Variants in ZNF236 observed in about 807,000 individuals in gnomAD.
ZNF236 encodes the protein regulated by glucose.
Under a neutral mutation model 191.2 loss-of-function variants are expected in ZNF236, and 50 were observed. The ratio of observed to expected loss-of-function variants is 0.26; its 90% CI spans 0.21 to 0.33. The LOEUF (loss-of-function observed/expected upper bound fraction) is 0.33. ZNF236 is among the 10% of genes least tolerant of loss of function. The probability of loss-of-function intolerance (pLI) is 1.00; values close to 1 mark genes in which losing one functional copy is unlikely to be tolerated. For missense variants in ZNF236, 1,754 were observed against 2,374.5 expected, an observed-to-expected ratio of 0.74 and a Z score of 5.43; for synonymous variants, 907 against 928.8, an observed-to-expected ratio of 0.98 and a Z score of 0.43.
At chr18:76,894,271 A>G (rs561132261) in intron 9 of ZNF236, among the ~76,000 whole-genome samples, 136 of 152,332 alleles carry the variant, frequency 8.9e-4, no homozygotes, top group African/African-American at 3.0e-3. Flanking sequence ...GTCCTGCTCC[A>G]TCCTGAGAGG....
chr18:76,843,504 A>ACAGTG (rs2122471161), intron 1 of ZNF236, among the ~76,000 whole-genome samples: 1 of 149,534 alleles, frequency 6.7e-6, no homozygotes, highest in South Asian at 2.1e-4. Context: ...GAGGCCGGGC[A>ACAGTG]CAGTGGCTCA....
rs576096078 is a variant in ZNF236 at position 76,941,568 on chromosome 18, C to T, written c.4782+4225C>T. Among the ~76,000 whole-genome samples the T allele has an allele frequency of 4.5e-3, 690 of 152,290 alleles. 4 individuals are homozygous for T. The highest frequency in any genetic ancestry group is 7.7e-3 in the Non-Finnish European group (526 of 68,032). On this transcript the variant is annotated intron_variant, in intron 26 of 30. Coordinates refer to ENST00000320610, the MANE Select transcript of ZNF236 (RefSeq NM_001306089.2). Reference sequence around the variant, plus strand: ...CTGCAGCCACACACCCTGCCATTAGCGCTTCCCTGCTGCCCCCCTCAGCCC... The same window carrying T: ...CTGCAGCCACACACCCTGCCATTAGTGCTTCCCTGCTGCCCCCCTCAGCCC...
chr18:76,898,519 GT>G (rs1977500308), intron 10 of ZNF236, among the ~76,000 whole-genome samples: 1 of 152,236 alleles, frequency 6.6e-6, no homozygotes, highest in Non-Finnish European at 1.5e-5. Context: ...GGGCACAGTA[GT>G]AAGAGGATCA....
chr18:76,906,833 A>C (rs974401848), intron 13 of ZNF236, among the ~76,000 whole-genome samples: 1 of 152,250 alleles, frequency 6.6e-6, no homozygotes, highest in Non-Finnish European at 1.5e-5. Context: ...GATTGTGTGC[A>C]CTTGGAATCT....
At chr18:76,850,090 A>G (rs911968868) in intron 2 of ZNF236, among the ~76,000 whole-genome samples, 5 of 152,212 alleles carry the variant, frequency 3.3e-5, no homozygotes, top group African/African-American at 1.2e-4. Flanking sequence ...GGGAGCAAAT[A>G]TTACATACTA....
At chr18:76,828,203 C>G (rs112966402) in intron 1 of ZNF236, among the ~76,000 whole-genome samples, 9,200 of 150,350 alleles carry the variant, frequency 0.061, 513 homozygotes, top group African/African-American at 0.15. Context: ...GTCTCGTTCT[C>G]TCACCCAGGC....
rs1017037640 is a variant in ZNF236, at chr18:76,968,394, G to A, written c.*55G>A. On this transcript the variant is annotated 3_prime_UTR_variant, in exon 31 of 31. Coordinates refer to ENST00000320610, the MANE Select transcript of ZNF236 (RefSeq NM_001306089.2). Reference sequence around the variant, plus strand: ...TTTCTGAAGTTACGTTTTGTGAAGAGCAAAGCACTTGGAATCTCCGTTTTA... The same window carrying A: ...TTTCTGAAGTTACGTTTTGTGAAGAACAAAGCACTTGGAATCTCCGTTTTA... 3.2e-6 allele frequency: 5 copies of A among 1,565,616 alleles called. No homozygotes were observed. The South Asian group carries it at 3.6e-5, about 11-fold the overall frequency.
At chr18:76,966,268 T>C (rs1306060527) in intron 30 of ZNF236, among the ~76,000 whole-genome samples, 1 of 152,170 alleles carries the variant, frequency 6.6e-6, no homozygotes, top group Non-Finnish European at 1.5e-5. Flanking sequence ...TCTGGAAGCC[T>C]GTGCTTTTGT....
chr18:76,877,984 A>AT (rs746230485), intron 6 of ZNF236, 25 bp from the exon 7 acceptor site: 13 of 1,518,946 alleles, frequency 8.6e-6, no homozygotes, highest in Admixed American at 4.0e-5. Flanking sequence ...GTAAAACATC[A>AT]TTTTTTTCCT....
chr18:76,878,167 T>C lies in ZNF236; in HGVS notation c.984+15T>C. On this transcript the variant is annotated intron_variant, in intron 7 of 30. Transcript: ENST00000320610. ...ATGTTTTAACGGTAAGTTTAGTAAT[T>C]TGGAAGAACTTCTTTTTAAACTAAA... is the stretch of plus-strand genomic sequence containing the variant. 6.3e-7 allele frequency: 1 copy of C among 1,583,786 alleles called. No homozygotes were observed. The highest frequency in any genetic ancestry group is 8.6e-7 in the Non-Finnish European group (1 of 1,162,376).
chr18:76,881,400 A>C lies in ZNF236; in HGVS notation c.1305A>C (p.Ser435=), dbSNP rs1976891300. Residue 435 remains serine, a synonymous_variant, in exon 9 of 31, where the codon TCA becomes TCC. Transcript: ENST00000320610. ...HAQNPDVSSV[S]NEQTDPTDAE... is the part of the protein sequence containing the mutation. ...AAAACCCAGATGTTTCCAGCGTTTC[A>C]AATGAGCAGACGGACCCCACAGACG... 6.2e-7 allele frequency: 1 copy of C among 1,614,174 alleles called. No homozygotes were observed. The highest frequency in any genetic ancestry group is 1.3e-5 in the African/African-American group (1 of 75,050).
intron 27 of ZNF236, 135 bp from the exon 28 acceptor site, chr18:76,955,850 A>G: frequency 1.0e-6 from 1 of 961,494 alleles, no homozygotes; most frequent in Non-Finnish European, 1.6e-6. Flanking sequence ...AATTATCCTG[A>G]TGATAGGACA....
At position 76,960,731 on chromosome 18, in the gene ZNF236, T is replaced by C. The variant is rs574803498; in HGVS notation, c.5295T>C (p.Ser1765=). The change falls in exon 30 of 31, where the codon AGT becomes AGC. Residue 1765 remains serine (S), a synonymous_variant. Coordinates refer to ENST00000320610, the MANE Select transcript of ZNF236 (RefSeq NM_001306089.2). The surrounding 1 kb of genome is among the most constrained non-coding windows in gnomAD (Gnocchi z 4.4). The part of the protein sequence containing the change: ...TLCEKAFNQK[S]ALQVHMKKHT... ...GTGAGAAAGCCTTCAACCAGAAGAG[T>C]GCGCTGCAGGTGCACATGAAGAAGC... 2 of 1,613,810 alleles carry C rather than the reference T, an allele frequency of 1.2e-6. No individual in the cohort carries two copies. Among genetic ancestry groups the C allele is most frequent in the East Asian group, 4.5e-5 (2 of 44,864 alleles).
At chr18:76,897,114 C>T (rs939213821) in intron 10 of ZNF236, among the ~76,000 whole-genome samples, 1 of 151,526 alleles carries the variant, frequency 6.6e-6, no homozygotes, top group Admixed American at 6.6e-5. Context: ...CAGTACTACA[C>T]ACAGTACTGC....
rs11875409 is a variant in ZNF236 at position 76,971,433 on chromosome 18, T to G, written c.*3094T>G. Among the ~76,000 whole-genome samples the G allele has an allele frequency of 0.48, 73,593 of 152,032 alleles. 18,308 individuals are homozygous for G. Among genetic ancestry groups the G allele is most frequent in the Middle Eastern group, 0.64 (185 of 290 alleles). On this transcript the variant is annotated 3_prime_UTR_variant, in exon 31 of 31. Coordinates refer to ENST00000320610, the MANE Select transcript of ZNF236 (RefSeq NM_001306089.2). The stretch of plus-strand genomic sequence containing the variant: ...GCCACTCTCCTCTTCCTGACAGTGT[T>G]CTGCTGGTGGGACATGAACATCAGT...
chr18:76,823,388 G>A (rs1470899490), intron 1 of ZNF236, among the ~76,000 whole-genome samples: 1 of 151,628 alleles, frequency 6.6e-6, no homozygotes, highest in African/African-American at 2.4e-5. Flanking sequence ...GTGATCCGGG[G>A]GGCTGGAACC....
rs1410844286 is a variant in ZNF236 at position 76,823,890 on chromosome 18, TC to T, written c.55+1233del. Among the ~76,000 whole-genome samples, 6 of 152,058 alleles carry T rather than the reference TC, an allele frequency of 3.9e-5. No homozygotes were observed. The East Asian group carries it at 9.7e-4, about 25-fold the overall frequency. On this transcript the variant is annotated intron_variant, in intron 1 of 30. Coordinates refer to ENST00000320610, the MANE Select transcript of ZNF236 (RefSeq NM_001306089.2). ...TCCCGTGCGGCCTTGGACGCGAGTC[TC>T]CCCCTGCAGGCCTGGTCCCTGGTCC...
intron 10 of ZNF236, among the ~76,000 whole-genome samples, 164 bp from the exon 11 acceptor site, chr18:76,898,855 T>C (rs1423279825): frequency 6.6e-6 from 1 of 152,218 alleles, no homozygotes; most frequent in Non-Finnish European, 1.5e-5. Flanking sequence ...ATGCACTGTA[T>C]ACAAACAAGG....
chr18:76,841,622 G>A (rs931900246), intron 1 of ZNF236, among the ~76,000 whole-genome samples: 1 of 150,978 alleles, frequency 6.6e-6, no homozygotes, highest in Non-Finnish European at 1.5e-5. Context: ...AGTATACATT[G>A]TTGTTGATAA....
Sources: allele counts gnomAD v4.1 joint callset (sites outside exome capture counted in the v4.1 genomes callset), GRCh38; gene constraint gnomAD v4.1.1; non-coding constraint Gnocchi (gnomAD v3.1); transcripts MANE v1.5; gene names NCBI Gene and HGNC (gene_info 2026-07-23, HGNC 2026-07-21).